The following PDK2 variants were observed in gnomAD, a reference collection of about 807,000 sequenced individuals.
The protein encoded by PDK2 is pyruvate dehydrogenase kinase 2.
PDK2 carries 34 observed loss-of-function variants against 50.4 expected under a neutral mutation model. The ratio of observed to expected loss-of-function variants is 0.68; its 90% confidence interval spans 0.51 to 0.90. The LOEUF is 0.90. PDK2 is among the 40% of genes least tolerant of loss of function. PDK2 has a pLI of 0.00. For synonymous variants in PDK2, 232 were observed against 216.0 expected (o/e 1.07, Z -0.65); for missense variants, 377 against 544.5 (o/e 0.69, Z 3.06).
chr17:50,097,856 T>C lies in PDK2; in HGVS notation c.260+292T>C, dbSNP rs868276565. On this transcript the variant is annotated intron_variant, in intron 2 of 10. Transcript: ENST00000503176. The stretch of plus-strand genomic sequence containing the variant: ...TGGTTTTCACAGCCAAAACCCCAAT[T>C]CAGGCTGATGTCAGCATTAGCCAGC... 23 of 336,416 alleles carry C rather than the reference T, an allele frequency of 6.8e-5. No individual in the cohort carries two copies. The Middle Eastern group carries it at 2.6e-3, about 38-fold the overall frequency. 20.8% of individuals were successfully genotyped at this position (336,416 alleles called of 1,614,324 possible).
At chr17:50,095,971 T>A (rs1598206042) in intron 1 of PDK2, 1 of 500,172 alleles carries the variant, frequency 2.0e-6, no homozygotes, top group East Asian at 1.5e-4. Flanking sequence ...GGAGGCAGGG[T>A]TTAGAGGTGC....
chr17:50,102,763 TC>T (rs1910303415), intron 2 of PDK2, among the ~76,000 whole-genome samples: 1 of 152,092 alleles, frequency 6.6e-6, no homozygotes, highest in African/African-American at 2.4e-5. Flanking sequence ...AGCGCCCACC[TC>T]TGGGGTTCTT....
At chr17:50,105,626 C>T (rs1044947569) in intron 3 of PDK2, among the ~76,000 whole-genome samples, 184 bp downstream of exon 3, 1 of 152,214 alleles carries the variant, frequency 6.6e-6, no homozygotes, top group Non-Finnish European at 1.5e-5. Flanking sequence ...GAGACATGGA[C>T]TCCATTCTCA....
At chr17:50,099,934 T>A (rs1292265090) in intron 2 of PDK2, among the ~76,000 whole-genome samples, 1 of 152,184 alleles carries the variant, frequency 6.6e-6, no homozygotes, top group Non-Finnish European at 1.5e-5. Flanking sequence ...GACTGAGGTG[T>A]GAAGACAAGA....
At chr17:50,099,425 G>A (rs550920234) in intron 2 of PDK2, among the ~76,000 whole-genome samples, 8 of 152,324 alleles carry the variant, frequency 5.3e-5, no homozygotes, top group African/African-American at 1.2e-4. Flanking sequence ...TTATTCTTCC[G>A]CAAAGCTTGC....
Position 50,097,487 on chromosome 17 carries a change from G to T in PDK2, c.183G>T (p.Leu61=). 1 of 1,613,974 alleles carries T rather than the reference G, an allele frequency of 6.2e-7. No individual in the cohort carries two copies. The highest frequency in any genetic ancestry group is 8.5e-7 in the Non-Finnish European group (1 of 1,179,970). The change falls in exon 2 of 11, where the codon CTG becomes CTT. Residue 61 remains leucine, a synonymous_variant. Coordinates refer to ENST00000503176, the MANE Select transcript of PDK2 (RefSeq NM_002611.5). ...TCAGGCAGGAGCTGCCTGTGCGCCT[G>T]GCCAACATCATGAAAGAGATCAACC... is the stretch of plus-strand genomic sequence containing the variant. ...TFLRQELPVR[L]ANIMKEINLL...
rs1263773247 is a variant in PDK2 at position 50,109,346 on chromosome 17, C to G, written c.1029C>G (p.Asp343Glu). The G allele has an allele frequency of 1.2e-6, 2 of 1,613,670 alleles. No individual in the cohort carries two copies. Among genetic ancestry groups the G allele is most frequent in the East Asian group, 2.2e-5 (1 of 44,874 alleles). The change falls in exon 10 of 11, where the codon GAC becomes GAG. Residue 343 changes from aspartate to glutamate, a missense_variant. By Grantham distance (45) the Asp-to-Glu change is conservative. Transcript: ENST00000503176. The surrounding 1 kb of genome is among the most constrained non-coding windows in gnomAD (Gnocchi z 5.0). Reference sequence around the variant, plus strand: ...TCTACGCCAAGTACTTCCAGGGAGACCTGCAGCTCTTCTCCATGGAAGGCT... The same window carrying G: ...TCTACGCCAAGTACTTCCAGGGAGAGCTGCAGCTCTTCTCCATGGAAGGCT... ...SRLYAKYFQG[D>E]LQLFSMEGFG...
At chr17:50,103,036 G>A (rs1029672696) in intron 2 of PDK2, among the ~76,000 whole-genome samples, 1 of 152,224 alleles carries the variant, frequency 6.6e-6, no homozygotes, top group South Asian at 2.1e-4. Flanking sequence ...GCTCATCAAG[G>A]CTGTTGGCAG....
rs1063647 is a variant in PDK2, at chr17:50,110,520, C to T, written c.*423C>T. The T allele has an allele frequency of 0.57, 88,292 of 155,112 alleles. 25,308 individuals carry two copies. Among genetic ancestry groups the T allele is most frequent in the African/African-American group, 0.64 (26,771 of 41,576 alleles). The allele number at this position is 155,112 out of a possible 1,614,324, so 9.6% of individuals were successfully genotyped here. On this transcript the variant is annotated 3_prime_UTR_variant, in exon 11 of 11. Coordinates refer to ENST00000503176, the MANE Select transcript of PDK2 (RefSeq NM_002611.5). ...GCCCACAAAGGCACCCTGGCCTTGG[C>T]CTGCTGAAGTGTTAGGAAGAGGGTG...
intron 2 of PDK2, among the ~76,000 whole-genome samples, chr17:50,102,277 T>C (rs1910273217): frequency 6.6e-6 from 1 of 152,218 alleles, no homozygotes; most frequent in Non-Finnish European, 1.5e-5. Flanking sequence ...TGAGGGAGGC[T>C]GGCAGGCGCT....
chr17:50,104,871 C>T lies in PDK2; in HGVS notation c.261-500C>T, dbSNP rs149414600. Among the ~76,000 whole-genome samples, 190 of 152,348 alleles carry T rather than the reference C, an allele frequency of 1.2e-3. 3 individuals carry two copies. The East Asian group carries it at 0.032, about 26-fold the overall frequency. On this transcript the variant is annotated intron_variant, in intron 2 of 10. Transcript: ENST00000503176. ...GGAGGCCCCGTGCTGTCTCCTCTGC[C>T]GGGGGTCACTCCAGGAGGCCCTGTG...
At chr17:50,095,651 G>A in intron 1 of PDK2, 98 bp downstream of exon 1, 2 of 1,493,448 alleles carry the variant, frequency 1.3e-6, no homozygotes, top group Non-Finnish European at 1.8e-6. Flanking sequence ...AAGGCCCCGA[G>A]TGACAGAGAA....
intron 2 of PDK2, among the ~76,000 whole-genome samples, chr17:50,103,942 C>T (rs1299921403): frequency 6.6e-6 from 1 of 152,150 alleles, no homozygotes; most frequent in East Asian, 1.9e-4. Context: ...AAGGCCAGAG[C>T]ACTGTGGACA....
At chr17:50,104,081 G>C (rs1193605546) in intron 2 of PDK2, among the ~76,000 whole-genome samples, 2 of 152,168 alleles carry the variant, frequency 1.3e-5, no homozygotes, top group African/African-American at 4.8e-5. Context: ...GCCAGAGAGA[G>C]GCTCTTCCTG....
Position 50,095,527 on chromosome 17 carries a change from T to C in PDK2, c.92T>C (p.Leu31Pro), listed in dbSNP as rs1567710248. Reference protein sequence around the residue: ...EHFSKFSPSPLSMKQFLDFGS... With the variant: ...EHFSKFSPSPPSMKQFLDFGS... ...TTCAGCAAGTTCTCCCCGTCCCCGC[T>C]GTCCATGAAGCAGTTTCTGGACTTC... Residue 31 changes from leucine to proline, a missense_variant, in exon 1 of 11, where the codon CTG becomes CCG. Leu to Pro is a moderately conservative substitution (Grantham distance 98). Around this residue, in one of 3 missense-constraint regions of PDK2, gnomAD observed 100 missense variants for 115.5 expected, o/e 0.87. Transcript: ENST00000503176. 1 of 1,607,168 alleles carries C rather than the reference T, an allele frequency of 6.2e-7. No individual in the cohort carries two copies. The highest frequency in any genetic ancestry group is 8.5e-7 in the Non-Finnish European group (1 of 1,176,962).
At chr17:50,095,820 A>G (rs1909908604) in intron 1 of PDK2, 2 of 1,235,410 alleles carry the variant, frequency 1.6e-6, no homozygotes, top group Non-Finnish European at 2.0e-6. Context: ...AGTAAGGGGC[A>G]GTGAAGCTGT....
At position 50,111,399 on chromosome 17, in the gene PDK2, G is replaced by T. The variant is rs1910833418; in HGVS notation, c.*1302G>T. On this transcript the variant is annotated 3_prime_UTR_variant, in exon 11 of 11. Coordinates refer to ENST00000503176, the MANE Select transcript of PDK2 (RefSeq NM_002611.5). ...CAGGTGGGCACCCACTATAGCTACT[G>T]ATGGCTTTAAGGATGTGGGTGCCTT... is the stretch of plus-strand genomic sequence containing the variant. 1 of 152,250 alleles carries T rather than the reference G, an allele frequency of 6.6e-6. No individual in the cohort carries two copies. The highest frequency in any genetic ancestry group is 6.5e-5 in the Admixed American group (1 of 15,286). The allele number at this position is 152,250 out of a possible 1,614,324, so 9.4% of individuals were successfully genotyped here.
chr17:50,097,595 C>G, intron 2 of PDK2, 31 bp downstream of exon 2: 11 of 1,606,966 alleles, frequency 6.8e-6, no homozygotes, highest in Non-Finnish European at 9.3e-6. Context: ...CCTGCACCTC[C>G]CACTCCATCG....
chr17:50,094,949 T>C (rs1862281093), upstream of PDK2: 2 of 154,972 alleles, frequency 1.3e-5, no homozygotes, highest in South Asian at 3.6e-4. Flanking sequence ...AGAAAAGGGA[T>C]TGGTTGAAAG....
Sources: gnomAD v4.1 joint callset for allele counts (sites outside exome capture counted in the v4.1 genomes callset) on GRCh38, gnomAD v4.1.1 for gene constraint, gnomAD v4.1.1 regional missense constraint, Gnocchi (gnomAD v3.1) non-coding constraint, MANE v1.5 for transcripts, NCBI Gene and HGNC (gene_info 2026-07-23, HGNC 2026-07-21) for gene names.